The following FHIT variants were observed in gnomAD, a reference collection of about 807,000 sequenced individuals.
The protein encoded by FHIT is bis(5'-adenosyl)-triphosphatase.
In FHIT, 19 loss-of-function variants were observed where a neutral mutation model predicts 17.9. The ratio of observed to expected loss-of-function variants is 1.06; its 90% CI spans 0.74 to 1.56. The LOEUF (loss-of-function observed/expected upper bound fraction) is 1.56. Among genes scored for constraint, FHIT ranks in the 40% most tolerant of loss-of-function variants. The probability of loss-of-function intolerance (pLI) is 0.00; values close to 1 mark genes in which losing one functional copy is unlikely to be tolerated. For synonymous variants in FHIT, 81 were observed against 69.7 expected, an observed-to-expected ratio of 1.16 and a Z score of -0.81; for missense variants, 248 against 189.2, an observed-to-expected ratio of 1.31 and a Z score of -1.82.
chr3:60,056,758 C>T (rs1702100014), intron 5 of FHIT, among the ~76,000 whole-genome samples: 1 of 152,302 alleles, frequency 6.6e-6, no homozygotes, highest in Admixed American at 6.5e-5. Context: ...AAAAGGTTTT[C>T]TTCATGGGAA....
chr3:60,401,278 G>C lies in FHIT; in HGVS notation c.103+135582C>G, dbSNP rs570208453. The stretch of plus-strand genomic sequence containing the variant: ...ATCTCCAAAGTGGTTTCATGCTCAT[G>C]AAAGACAGCTGTGCTGGTTATTCCT... On this transcript the variant is annotated intron_variant, in intron 5 of 9. Transcript: ENST00000492590. 2.0e-5 allele frequency among the ~76,000 whole-genome samples: 3 copies of C among 152,312 alleles called. No homozygotes were observed. The East Asian group carries it at 5.8e-4, about 29-fold the overall frequency.
In FHIT at chr3:61,158,909, C is replaced by T. The variant is rs116764458; in HGVS notation, c.-164+41708G>A. ...CCATTAGAAGACCTAGTGACAAGCC[C>T]TTCTCCACTGCTGCAACAAAGGTGG... On this transcript the variant is annotated intron_variant, in intron 2 of 9. Transcript: ENST00000492590. 2.1e-3 allele frequency among the ~76,000 whole-genome samples: 320 copies of T among 152,302 alleles called. 4 individuals are homozygous for T. Among genetic ancestry groups the T allele is most frequent in the African/African-American group, 7.3e-3 (302 of 41,568 alleles).
intron 7 of FHIT, among the ~76,000 whole-genome samples, chr3:59,931,041 G>C (rs1319644283): frequency 6.6e-6 from 1 of 152,080 alleles, no homozygotes; most frequent in African/African-American, 2.4e-5. Context: ...TTATCAAGTG[G>C]GCATAAAACC....
intron 2 of FHIT, among the ~76,000 whole-genome samples, chr3:61,080,824 C>T (rs1477885924): frequency 6.6e-6 from 1 of 151,472 alleles, no homozygotes; most frequent in Non-Finnish European, 1.5e-5. Context: ...TCCTGGCTCC[C>T]ACAGCAGGAA....
At chr3:60,860,160 TAC>T (rs1553751066) in intron 3 of FHIT, among the ~76,000 whole-genome samples, 3,789 of 84,524 alleles carry the variant, frequency 0.045, 854 homozygotes, top group African/African-American at 0.089. Flanking sequence ...ATATATGATA[TAC>T]ATCATATGTA....
At chr3:60,490,309 A>T (rs1203038885) in intron 5 of FHIT, among the ~76,000 whole-genome samples, 2 of 152,208 alleles carry the variant, frequency 1.3e-5, no homozygotes, top group African/African-American at 4.8e-5. Context: ...CTTCAAAATA[A>T]ACTCTCACCT....
At chr3:60,306,216 C>T (rs1161021143) in intron 5 of FHIT, among the ~76,000 whole-genome samples, 2 of 152,070 alleles carry the variant, frequency 1.3e-5, no homozygotes, top group Non-Finnish European at 2.9e-5. Context: ...TTGATTAGAA[C>T]TAGAGTACGC....
intron 5 of FHIT, among the ~76,000 whole-genome samples, chr3:60,131,886 A>T (rs543415563): frequency 6.6e-6 from 1 of 152,198 alleles, no homozygotes; most frequent in South Asian, 2.1e-4. Flanking sequence ...ATGACTCCTC[A>T]TTGCATCAGA....
chr3:59,865,885 G>C (rs1263898665), intron 8 of FHIT, among the ~76,000 whole-genome samples: 4 of 152,172 alleles, frequency 2.6e-5, no homozygotes. Context: ...GGCAGGAACG[G>C]GGAGAGAGAG....
rs952241732 is a variant in FHIT, at chr3:59,810,089, G to A, written c.349-57768C>T. 2.6e-5 allele frequency among the ~76,000 whole-genome samples: 4 copies of A among 152,122 alleles called. No homozygotes were observed. The South Asian group carries it at 8.3e-4, about 32-fold the overall frequency. ...AAGCAGATGCTGGTCTGCTTTAGGT[G>A]CCTCTTACGGGGATTGTGAGAGGGC... On this transcript the variant is annotated intron_variant, in intron 8 of 9. Coordinates refer to ENST00000492590, the MANE Select transcript of FHIT (RefSeq NM_002012.4).
intron 3 of FHIT, among the ~76,000 whole-genome samples, chr3:60,859,462 C>T (rs1164711879): frequency 6.6e-6 from 1 of 152,034 alleles, no homozygotes; most frequent in East Asian, 1.9e-4. Flanking sequence ...ACCGCATTTC[C>T]AAGCTTCAGT....
At chr3:60,736,686 G>C (rs2042139375) in intron 4 of FHIT, among the ~76,000 whole-genome samples, 1 of 152,172 alleles carries the variant, frequency 6.6e-6, no homozygotes, top group South Asian at 2.1e-4. Flanking sequence ...TCTTTTCAGA[G>C]TGATGAAAAT....
intron 5 of FHIT, among the ~76,000 whole-genome samples, chr3:60,293,090 A>G (rs968517080): frequency 6.6e-6 from 1 of 152,208 alleles, no homozygotes; most frequent in African/African-American, 2.4e-5. Context: ...TGTCTTTGAA[A>G]ACATACGTAA....
chr3:60,511,870 G>T lies in FHIT; in HGVS notation c.103+24990C>A, dbSNP rs72883927. ...ACATCTGAATAAAGGGACTTCTGCT[G>T]TCAAATTGGGCAAATTTAATCAAAA... On this transcript the variant is annotated intron_variant, in intron 5 of 9. Coordinates refer to ENST00000492590, the MANE Select transcript of FHIT (RefSeq NM_002012.4). 5.4e-3 allele frequency among the ~76,000 whole-genome samples: 820 copies of T among 152,248 alleles called. 6 individuals are homozygous for T. The highest frequency in any genetic ancestry group is 0.018 in the African/African-American group (767 of 41,550).
chr3:59,835,212 C>G (rs1018143118), intron 8 of FHIT, among the ~76,000 whole-genome samples: 4 of 152,170 alleles, frequency 2.6e-5, no homozygotes, highest in Admixed American at 2.6e-4. Flanking sequence ...CACTTTCCCT[C>G]TTTAATAGAC....
intron 4 of FHIT, among the ~76,000 whole-genome samples, chr3:60,626,783 C>CTTTTTTTTTTTTTTTTTTTTTTTTTTTT (rs71627548): frequency 2.3e-5 from 2 of 85,942 alleles, no homozygotes; most frequent in Non-Finnish European, 5.7e-5. Context: ...GGGGAAAACA[C>CTTTTTTTTTTTTTTTTTTTTTTTTTTTT]TCTTTTTTTT....
At chr3:60,061,796 T>C (rs1051786429) in intron 5 of FHIT, among the ~76,000 whole-genome samples, 4 of 152,126 alleles carry the variant, frequency 2.6e-5, no homozygotes, top group Admixed American at 6.6e-5. Flanking sequence ...GAATAGATCA[T>C]ATGAAAGGAA....
intron 8 of FHIT, among the ~76,000 whole-genome samples, chr3:59,856,984 A>G (rs1258943414): frequency 6.6e-6 from 1 of 152,184 alleles, no homozygotes; most frequent in Non-Finnish European, 1.5e-5. Flanking sequence ...CAACTCACCC[A>G]AAGTCACATA....
chr3:60,908,311 C>G (rs2107256431), intron 3 of FHIT, among the ~76,000 whole-genome samples: 1 of 152,122 alleles, frequency 6.6e-6, no homozygotes, highest in African/African-American at 2.4e-5. Context: ...GTCTGAAGAT[C>G]AACATTTAAA....
Sources: allele counts gnomAD v4.1 joint callset (sites outside exome capture counted in the v4.1 genomes callset), GRCh38; gene constraint gnomAD v4.1.1; transcripts MANE v1.5; gene names NCBI Gene and HGNC (gene_info 2026-07-23, HGNC 2026-07-21).